The following HYAL4 variants were observed in gnomAD, a reference collection of about 807,000 sequenced individuals.
HYAL4 encodes hyaluronidase-4.
HYAL4 carries 37 observed loss-of-function variants against 35.2 expected under a neutral mutation model. The observed-to-expected ratio is 1.05, with a 90% CI of 0.81 to 1.38. HYAL4 has a LOEUF of 1.38. HYAL4 is among the 40% of genes most tolerant of loss of function. The pLI is 0.00. For missense variants in HYAL4, 572 were observed against 572.4 expected (o/e 1.00, Z 0.01); for synonymous variants, 198 against 203.2 (o/e 0.97, Z 0.22).
the HYAL4 span, among the ~76,000 whole-genome samples, chr7:123,767,931 A>T: frequency 6.6e-6 from 1 of 152,220 alleles, no homozygotes; most frequent in African/African-American, 2.4e-5. Flanking sequence ...GACATTTACA[A>T]TTCAAATAAA....
chr7:123,876,051 T>G (rs1269698181), intron 4 of HYAL4: 1 of 456,658 alleles, frequency 2.2e-6, no homozygotes, highest in Non-Finnish European at 4.4e-6. Flanking sequence ...CCCAGTCCCT[T>G]GGTGGCTCGT....
At chr7:123,851,656 G>T (rs545694356) in intron 2 of HYAL4, among the ~76,000 whole-genome samples, 2 of 152,172 alleles carry the variant, frequency 1.3e-5, no homozygotes, top group East Asian at 3.9e-4. Context: ...TGGGCATTTG[G>T]GTTGTTTCCA....
rs1487288762 is a variant in HYAL4 at position 123,868,817 on chromosome 7, G to A, written c.544G>A (p.Asp182Asn). 6.2e-6 allele frequency: 10 copies of A among 1,614,178 alleles called. No homozygotes were observed. Among genetic ancestry groups the A allele is most frequent in the South Asian group, 1.1e-5 (1 of 91,086 alleles). The change falls in exon 3 of 5, where the codon GAT becomes AAT. Residue 182 changes from aspartate to asparagine, a missense_variant. By Grantham distance (23) the Asp-to-Asn change is conservative (BLOSUM62 1). Coordinates refer to ENST00000223026, the MANE Select transcript of HYAL4 (RefSeq NM_012269.3). Reference sequence around the variant, plus strand: ...TATGGGAAAGAATGTATCAGCTACCGATATTGAATATTTAGCCAAAGTGAC... The same window carrying A: ...TATGGGAAAGAATGTATCAGCTACCAATATTGAATATTTAGCCAAAGTGAC... ...SDMGKNVSAT[D>N]IEYLAKVTFE...
intron 2 of HYAL4, among the ~76,000 whole-genome samples, chr7:123,852,736 A>T (rs1174114854): frequency 6.6e-6 from 1 of 152,126 alleles, no homozygotes; most frequent in Non-Finnish European, 1.5e-5. Flanking sequence ...TTTTGGTTCC[A>T]TATGAAATTT....
chr7:123,876,106 G>A (rs1450571403), intron 4 of HYAL4: 1 of 453,336 alleles, frequency 2.2e-6, no homozygotes, highest in African/African-American at 2.0e-5. Context: ...GGTGGCCTCT[G>A]TTTAGAACAC....
intron 2 of HYAL4, among the ~76,000 whole-genome samples, chr7:123,848,882 C>T (rs1397259148): frequency 6.6e-6 from 1 of 152,148 alleles, no homozygotes; most frequent in Admixed American, 6.6e-5. Flanking sequence ...CTGGGTCGTA[C>T]ATTTTCTTTC....
At chr7:123,856,061 G>A (rs1328327222) in intron 2 of HYAL4, among the ~76,000 whole-genome samples, 1 of 151,754 alleles carries the variant, frequency 6.6e-6, no homozygotes, top group Non-Finnish European at 1.5e-5. Flanking sequence ...AGTCATTTAT[G>A]TTCTTCTCTA....
chr7:123,808,251 A>G, the HYAL4 span, among the ~76,000 whole-genome samples: 1 of 152,128 alleles, frequency 6.6e-6, no homozygotes, highest in African/African-American at 2.4e-5. Context: ...AGGTTTAACA[A>G]TGCTTTATCA....
chr7:123,781,730 A>G, the HYAL4 span, among the ~76,000 whole-genome samples: 1 of 152,194 alleles, frequency 6.6e-6, no homozygotes, highest in Admixed American at 6.6e-5. Flanking sequence ...TATTGCATGT[A>G]TATTGAAATA....
chr7:123,852,609 T>C (rs560513860), intron 2 of HYAL4, among the ~76,000 whole-genome samples: 110 of 152,328 alleles, frequency 7.2e-4, no homozygotes, highest in African/African-American at 2.6e-3. Flanking sequence ...TTTGTTTTGG[T>C]ACCAGTACCA....
At chr7:123,850,540 A>G (rs925200086) in intron 2 of HYAL4, among the ~76,000 whole-genome samples, 1 of 152,090 alleles carries the variant, frequency 6.6e-6, no homozygotes, top group Admixed American at 6.6e-5. Flanking sequence ...GTGCGACTCT[A>G]CTTATAATAG....
the HYAL4 span, among the ~76,000 whole-genome samples, chr7:123,802,551 A>G: frequency 6.6e-6 from 1 of 152,130 alleles, no homozygotes; most frequent in Non-Finnish European, 1.5e-5. Flanking sequence ...TATTATTAAT[A>G]TAAATTTAAA....
the HYAL4 span, among the ~76,000 whole-genome samples, chr7:123,802,719 T>C: frequency 5.3e-5 from 8 of 152,138 alleles, no homozygotes; most frequent in African/African-American, 1.7e-4. Context: ...AAACAAAAGA[T>C]ACTAAAGGAA....
upstream of HYAL4, among the ~76,000 whole-genome samples, chr7:123,840,115 C>T (rs536855028): frequency 5.9e-5 from 9 of 152,100 alleles, no homozygotes; most frequent in South Asian, 1.9e-3. Context: ...GTTTTTATGG[C>T]TTTAGGTCTA....
At chr7:123,829,141 A>T (rs1362730995) in intron 1 of HYAL4, 1 of 152,622 alleles carries the variant, frequency 6.6e-6, no homozygotes, top group Non-Finnish European at 1.5e-5. Flanking sequence ...AATATGTTCT[A>T]AACAAGAGTT....
rs529321176 is a variant in HYAL4 at position 123,877,070 on chromosome 7, G to A, written c.1361G>A (p.Gly454Asp). The change falls in exon 5 of 5, where the codon GGC (glycine) becomes GAC (aspartate). Residue 454 changes from glycine (G) to aspartate (D), a missense_variant. Physicochemically the swap from Gly to Asp is moderately conservative, Grantham distance 94. Coordinates refer to ENST00000223026, the MANE Select transcript of HYAL4 (RefSeq NM_012269.3). The part of the protein sequence containing the change: ...ADCREIKTAD[G>D]CSGVSPSPGS... ...TGCAGAGAAATAAAGACGGCTGATG[G>A]CTGCTCTGGGGTTTCCCCTTCTCCT... The A allele has an allele frequency of 1.4e-5, 23 of 1,614,188 alleles. No individual in the cohort carries two copies. The South Asian group carries it at 1.4e-4, about 10-fold the overall frequency.
the HYAL4 span, among the ~76,000 whole-genome samples, chr7:123,818,707 C>T: frequency 6.6e-6 from 1 of 152,066 alleles, no homozygotes; most frequent in South Asian, 2.1e-4. Flanking sequence ...GAATCCAAGG[C>T]AGTATCACCT....
chr7:123,794,658 G>A, the HYAL4 span, among the ~76,000 whole-genome samples: 1 of 152,244 alleles, frequency 6.6e-6, no homozygotes, highest in African/African-American at 2.4e-5. Context: ...CTGTGGGTGC[G>A]CAGAAGTCAA....
chr7:123,821,572 G>A, the HYAL4 span, among the ~76,000 whole-genome samples: 6 of 152,144 alleles, frequency 3.9e-5, no homozygotes, highest in African/African-American at 1.4e-4. Flanking sequence ...CATATGGTTT[G>A]GAAATATTTC....
Sources: allele counts gnomAD v4.1 joint callset (sites outside exome capture counted in the v4.1 genomes callset), GRCh38; gene constraint gnomAD v4.1.1; transcripts MANE v1.5; gene names NCBI Gene and HGNC (gene_info 2026-07-23, HGNC 2026-07-21).